Variants in NRXN1 observed in about 807,000 individuals in gnomAD.
NRXN1 encodes the protein neurexin 1, also known as neurexin-1.
In NRXN1, 39 loss-of-function variants were observed where a neutral mutation model predicts 150.9. That is an observed-to-expected ratio of 0.26 (90% CI 0.20 to 0.34). NRXN1 has a LOEUF of 0.34. Ranked by LOEUF, NRXN1 falls within the 10% of genes least tolerant of loss-of-function variation. The probability of loss-of-function intolerance (pLI) is 1.00; values close to 1 mark genes in which losing one functional copy is unlikely to be tolerated. For synonymous variants in NRXN1, 924 were observed against 757.0 expected (o/e 1.22, Z -3.62); for missense variants, 1,815 against 1,949.9 (o/e 0.93, Z 1.30).
At chr2:50,385,594 C>G (rs2081281103) in intron 17 of NRXN1, among the ~76,000 whole-genome samples, 1 of 152,166 alleles carries the variant, frequency 6.6e-6, no homozygotes, top group Non-Finnish European at 1.5e-5. Flanking sequence ...ATTTCTTTTC[C>G]TGAGCTGCAC....
intron 5 of NRXN1, among the ~76,000 whole-genome samples, chr2:50,644,350 C>G (rs530435142): frequency 6.6e-6 from 1 of 151,666 alleles, no homozygotes; most frequent in Admixed American, 6.6e-5. Context: ...CTTGTTTCCA[C>G]CAGATACATT....
chr2:50,917,536 A>G (rs1442352282), intron 5 of NRXN1: 1 of 151,656 alleles, frequency 6.6e-6, no homozygotes, highest in Non-Finnish European at 1.5e-5. Context: ...TGAAATCCGA[A>G]CCCACAAAAT....
chr2:50,730,905 C>A (rs1698021670), intron 5 of NRXN1, among the ~76,000 whole-genome samples: 1 of 151,998 alleles, frequency 6.6e-6, no homozygotes, highest in South Asian at 2.1e-4. Context: ...GATCTCCTGA[C>A]CTTGTCATCC....
At chr2:50,598,071 G>C (rs914713699) in intron 8 of NRXN1, among the ~76,000 whole-genome samples, 1 of 152,026 alleles carries the variant, frequency 6.6e-6, no homozygotes, top group Non-Finnish European at 1.5e-5. Context: ...CCCGGGAGGA[G>C]GAGGTTGCAG....
chr2:50,920,386 A>G (rs986896902), intron 5 of NRXN1, among the ~76,000 whole-genome samples: 4 of 151,914 alleles, frequency 2.6e-5, no homozygotes, highest in South Asian at 2.1e-4. Flanking sequence ...GAACTATTCC[A>G]TATGTAGAAA....
chr2:50,020,456 C>A (rs1687398919), intron 21 of NRXN1, among the ~76,000 whole-genome samples: 1 of 152,198 alleles, frequency 6.6e-6, no homozygotes, highest in Non-Finnish European at 1.5e-5. Context: ...TATCTTTAAA[C>A]ACAATACCTA....
intron 5 of NRXN1, among the ~76,000 whole-genome samples, chr2:50,769,304 T>C (rs1421488604): frequency 6.6e-6 from 1 of 152,054 alleles, no homozygotes; most frequent in Non-Finnish European, 1.5e-5. Context: ...AGATGGGTTA[T>C]CCAACTCAAT....
chr2:50,367,978 G>T (rs532086517), intron 17 of NRXN1, among the ~76,000 whole-genome samples: 2 of 151,948 alleles, frequency 1.3e-5, no homozygotes, highest in African/African-American at 4.8e-5. Flanking sequence ...GCACCACACC[G>T]TGATTAAATG....
At chr2:50,161,452 G>T (rs1417627434) in intron 18 of NRXN1, among the ~76,000 whole-genome samples, 1 of 152,070 alleles carries the variant, frequency 6.6e-6, no homozygotes, top group Admixed American at 6.6e-5. Flanking sequence ...TAAAAATGTT[G>T]AGGATGTCAG....
At chr2:50,385,494 T>C (rs116340739) in intron 17 of NRXN1, among the ~76,000 whole-genome samples, 2,797 of 152,314 alleles carry the variant, frequency 0.018, 45 homozygotes, top group Middle Eastern at 0.099. Flanking sequence ...CATGTATTCA[T>C]GCTACCCGGG....
chr2:50,590,138 T>A (rs1390744999), intron 8 of NRXN1, among the ~76,000 whole-genome samples: 1 of 152,212 alleles, frequency 6.6e-6, no homozygotes, highest in Non-Finnish European at 1.5e-5. Context: ...AAATGTAAAA[T>A]GCTACAAAAG....
At chr2:50,553,797 A>C (rs550439779) in intron 8 of NRXN1, among the ~76,000 whole-genome samples, 118 of 152,298 alleles carry the variant, frequency 7.7e-4, no homozygotes, top group Non-Finnish European at 1.5e-3. Context: ...ACTTCAGTGA[A>C]AGAGGCTAGG....
chr2:50,674,563 C>T (rs1441779475), intron 5 of NRXN1, among the ~76,000 whole-genome samples: 2 of 152,082 alleles, frequency 1.3e-5, no homozygotes, highest in Admixed American at 1.3e-4. Context: ...TGAGAGGCTA[C>T]TGCGATAGTT....
rs199700602 is a variant in NRXN1, at chr2:50,346,673, T to A, written c.3365-109703A>T. 217 of 1,612,012 alleles carry A rather than the reference T, an allele frequency of 1.3e-4. No individual in the cohort carries two copies. The African/African-American group carries it at 2.8e-3, about 21-fold the overall frequency. On this transcript the variant is annotated intron_variant, in intron 17 of 22. Transcript: ENST00000401669. This position sits in a 1 kb window ranked among gnomAD's most constrained non-coding sequence, Gnocchi z 5.0. ...GAGCGAGGGGATAACCCGCGAGAAC[T>A]TGGCATCGCAGACCCACCGTGTCCG...
chr2:50,869,765 T>G (rs1677484534), intron 5 of NRXN1, among the ~76,000 whole-genome samples: 1 of 151,850 alleles, frequency 6.6e-6, no homozygotes, highest in Non-Finnish European at 1.5e-5. Context: ...CATCCTTGTG[T>G]CCACCAAAAC....
At chr2:50,488,315 C>T (rs928201449) in intron 15 of NRXN1, among the ~76,000 whole-genome samples, 1 of 152,200 alleles carries the variant, frequency 6.6e-6, no homozygotes, top group Admixed American at 6.5e-5. Context: ...ATCAAATGTA[C>T]TCTTCCAAGA....
At chr2:51,004,154 A>G (rs1700416183) in intron 2 of NRXN1, among the ~76,000 whole-genome samples, 1 of 151,938 alleles carries the variant, frequency 6.6e-6, no homozygotes, top group African/African-American at 2.4e-5. Context: ...GGGTCTAGCC[A>G]ACCCTTTCAC....
intron 5 of NRXN1, among the ~76,000 whole-genome samples, chr2:50,874,844 T>C (rs1025762687): frequency 6.6e-6 from 1 of 151,860 alleles, no homozygotes; most frequent in African/African-American, 2.4e-5. Flanking sequence ...TATTTTTATA[T>C]ACTACGTTGA....
chr2:50,322,277 C>CA (rs1324853460), intron 17 of NRXN1, among the ~76,000 whole-genome samples: 1 of 152,098 alleles, frequency 6.6e-6, no homozygotes, highest in Non-Finnish European at 1.5e-5. Flanking sequence ...ACAACAACAA[C>CA]AAAAACCCAG....
Sources: gnomAD v4.1 joint callset for allele counts (sites outside exome capture counted in the v4.1 genomes callset) on GRCh38, gnomAD v4.1.1 for gene constraint, Gnocchi (gnomAD v3.1) non-coding constraint, MANE v1.5 for transcripts, NCBI Gene and HGNC (gene_info 2026-07-23, HGNC 2026-07-21) for gene names.